The following ASTN1 variants were observed in gnomAD, a reference collection of about 807,000 sequenced individuals.
ASTN1 encodes the protein astrotactin 1, also known as astrotactin-1.
In ASTN1, 41 loss-of-function variants were observed where a neutral mutation model predicts 140.7. The observed-to-expected ratio is 0.29, with a 90% CI of 0.23 to 0.38. ASTN1 has a LOEUF of 0.38. Among genes scored for constraint, ASTN1 ranks in the 10% least tolerant of loss-of-function variants. The pLI is 1.00. For synonymous variants in ASTN1, 640 were observed against 652.2 expected, an observed-to-expected ratio of 0.98 and a Z score of 0.29; for missense variants, 1,479 against 1,678.8, an observed-to-expected ratio of 0.88 and a Z score of 2.08.
chr1:176,877,346 G>A (rs1297375575), intron 20 of ASTN1, among the ~76,000 whole-genome samples: 1 of 152,146 alleles, frequency 6.6e-6, no homozygotes, highest in Non-Finnish European at 1.5e-5. Context: ...AAAGTGAGAT[G>A]CAAAACAGCC....
chr1:176,963,221 A>G (rs1672740595), intron 9 of ASTN1, among the ~76,000 whole-genome samples: 1 of 152,198 alleles, frequency 6.6e-6, no homozygotes, highest in Admixed American at 6.6e-5. Flanking sequence ...ATTCTATTTC[A>G]GAGTCCAGAG....
chr1:177,008,017 G>A (rs547162037), intron 8 of ASTN1, among the ~76,000 whole-genome samples: 28 of 152,212 alleles, frequency 1.8e-4, no homozygotes, highest in African/African-American at 3.1e-4. Flanking sequence ...GTGAAAAATC[G>A]GTCAAGTTAC....
intron 8 of ASTN1, 138 bp downstream of exon 8, chr1:177,014,653 G>T: frequency 1.4e-6 from 1 of 700,522 alleles, no homozygotes; most frequent in Non-Finnish European, 2.4e-6. Context: ...GAAAGGCATA[G>T]TGACATTTTT....
intron 2 of ASTN1, among the ~76,000 whole-genome samples, chr1:177,051,437 T>A (rs1677538200): frequency 6.6e-6 from 1 of 152,272 alleles, no homozygotes; most frequent in South Asian, 2.1e-4. Context: ...ACTTGGGCAC[T>A]ACATTGGCAA....
At chr1:177,122,653 G>A (rs531444157) in intron 1 of ASTN1, among the ~76,000 whole-genome samples, 2 of 152,268 alleles carry the variant, frequency 1.3e-5, no homozygotes, top group East Asian at 1.9e-4. Flanking sequence ...CACCACCCGC[G>A]GTTTTCGCAT....
intron 8 of ASTN1, among the ~76,000 whole-genome samples, chr1:176,982,585 C>T (rs950402191): frequency 2.6e-5 from 4 of 152,050 alleles, no homozygotes; most frequent in Non-Finnish European, 2.9e-5. Flanking sequence ...ACAAGTTCTC[C>T]GGTGATGCCA....
At chr1:177,161,148 T>C (rs1415536058) in intron 1 of ASTN1, among the ~76,000 whole-genome samples, 1 of 152,206 alleles carries the variant, frequency 6.6e-6, no homozygotes, top group Non-Finnish European at 1.5e-5. Context: ...ATGGCTGAGA[T>C]AACCTCTGGG....
At chr1:177,149,098 A>C (rs975391614) in intron 1 of ASTN1, among the ~76,000 whole-genome samples, 10 of 137,726 alleles carry the variant, frequency 7.3e-5, no homozygotes, top group Non-Finnish European at 1.4e-4. Context: ...ATATATAGTA[A>C]ATATATATAG....
intron 21 of ASTN1, among the ~76,000 whole-genome samples, chr1:176,875,770 A>T (rs911223261): frequency 6.6e-6 from 1 of 152,226 alleles, no homozygotes; most frequent in South Asian, 2.1e-4. Flanking sequence ...TGCAAATGCT[A>T]TCCGTTCAAT....
intron 20 of ASTN1, among the ~76,000 whole-genome samples, chr1:176,879,111 G>A (rs544421204): frequency 6.6e-6 from 1 of 152,320 alleles, no homozygotes; most frequent in East Asian, 1.9e-4. Flanking sequence ...CATGGTCACA[G>A]GGCTGGGGCA....
chr1:176,973,177 G>C (rs1673215308), intron 8 of ASTN1, among the ~76,000 whole-genome samples: 1 of 152,042 alleles, frequency 6.6e-6, no homozygotes, highest in Non-Finnish European at 1.5e-5. Context: ...TCAATTTCAA[G>C]AATCCCAATA....
At chr1:177,114,046 A>G (rs1173109716) in intron 1 of ASTN1, among the ~76,000 whole-genome samples, 1 of 152,208 alleles carries the variant, frequency 6.6e-6, no homozygotes, top group African/African-American at 2.4e-5. Context: ...TCTGACTTAA[A>G]TATCATTCAA....
At chr1:177,038,028 A>G (rs1480581026) in intron 2 of ASTN1, among the ~76,000 whole-genome samples, 1 of 152,248 alleles carries the variant, frequency 6.6e-6, no homozygotes, top group Non-Finnish European at 1.5e-5. Context: ...AATGTGTTAC[A>G]TAACATTTTT....
At chr1:176,935,762 T>C (rs1671415875) in intron 15 of ASTN1, among the ~76,000 whole-genome samples, 1 of 144,634 alleles carries the variant, frequency 6.9e-6, no homozygotes, top group Non-Finnish European at 1.5e-5. Flanking sequence ...TCTCTCTCTT[T>C]CTCTCTCTCT....
At chr1:177,092,265 T>A (rs1429803014) in intron 1 of ASTN1, among the ~76,000 whole-genome samples, 3 of 152,210 alleles carry the variant, frequency 2.0e-5, no homozygotes, top group Non-Finnish European at 1.5e-5. Flanking sequence ...ATGTTGAGCA[T>A]CTTTTCATCT....
chr1:176,861,740 A>G lies in ASTN1; in HGVS notation c.*2544T>C. 1.0e-6 allele frequency: 1 copy of G among 985,546 alleles called. No individual in the cohort carries two copies. Among genetic ancestry groups the G allele is most frequent in the Non-Finnish European group, 1.2e-6 (1 of 830,030 alleles). The allele number at this position is 985,546 out of a possible 1,614,324, so 61.1% of individuals were successfully genotyped here. On this transcript the variant is annotated 3_prime_UTR_variant, in exon 23 of 23. Coordinates refer to ENST00000361833, the MANE Select transcript of ASTN1 (RefSeq NM_004319.3). The stretch of plus-strand genomic sequence containing the variant: ...TTCAGTGGGGAGAACTCAACGAGAA[A>G]CAGGAGGAAGAAAGTCTTGGGGAAA...
intron 2 of ASTN1, among the ~76,000 whole-genome samples, chr1:177,059,907 TATAA>T (rs1375350580): frequency 2.6e-5 from 4 of 152,220 alleles, no homozygotes; most frequent in Non-Finnish European, 5.9e-5. Context: ...ATACATGGCT[TATAA>T]ATAATCAGTC....
intron 2 of ASTN1, among the ~76,000 whole-genome samples, chr1:177,059,991 C>T (rs1004371395): frequency 6.6e-6 from 1 of 152,210 alleles, no homozygotes; most frequent in South Asian, 2.1e-4. Flanking sequence ...AATATCAATA[C>T]ATAAAATACC....
intron 16 of ASTN1, among the ~76,000 whole-genome samples, chr1:176,917,559 A>C (rs911330317): frequency 6.6e-6 from 1 of 152,134 alleles, no homozygotes; most frequent in African/African-American, 2.4e-5. Flanking sequence ...GGTTTTTAGC[A>C]GAAGGGAAAA....
Sources: allele counts gnomAD v4.1 joint callset (sites outside exome capture counted in the v4.1 genomes callset), GRCh38; gene constraint gnomAD v4.1.1; transcripts MANE v1.5; gene names NCBI Gene and HGNC (gene_info 2026-07-23, HGNC 2026-07-21).